The following CA10 variants were observed in gnomAD, a reference collection of about 807,000 sequenced individuals.
CA10 encodes carbonic anhydrase 10 (inactive), also known as carbonic anhydrase-related protein 10.
Under a neutral mutation model 44.2 loss-of-function variants are expected in CA10, and 14 were observed. That is an observed-to-expected ratio of 0.32 (90% CI 0.21 to 0.50). The LOEUF is 0.50. CA10 is among the 20% of genes least tolerant of loss of function. CA10 has a pLI of 0.99. For missense variants in CA10, 350 were observed against 409.7 expected (o/e 0.85, Z 1.26); for synonymous variants, 159 against 141.6 (o/e 1.12, Z -0.87).
rs2143458509 is a variant in CA10 at position 51,700,847 on chromosome 17, C to T, written c.465+46786G>A. ...AAACCAAACACTGTATGTTCTCACT[C>T]ATAAGTGGGAGCTGAACAATGAGAA... On this transcript the variant is annotated intron_variant, in intron 4 of 8. Transcript: ENST00000451037. 1.3e-5 allele frequency among the ~76,000 whole-genome samples: 2 copies of T among 152,196 alleles called. 1 individual carries two copies. The highest frequency in any genetic ancestry group is 4.2e-4 in the South Asian group (2 of 4,816).
intron 1 of CA10, among the ~76,000 whole-genome samples, chr17:52,120,869 C>T (rs2143315717): frequency 6.6e-6 from 1 of 152,306 alleles, no homozygotes; most frequent in South Asian, 2.1e-4. Flanking sequence ...GATAAATCTA[C>T]CTTTCTCACC....
At chr17:51,796,191 T>C (rs933103945) in intron 3 of CA10, among the ~76,000 whole-genome samples, 8 of 152,134 alleles carry the variant, frequency 5.3e-5, no homozygotes, top group Non-Finnish European at 1.2e-4. Flanking sequence ...ATGGAAAGCA[T>C]TGTACAGAGT....
At chr17:51,708,194 G>C (rs1915819448) in intron 4 of CA10, among the ~76,000 whole-genome samples, 1 of 152,204 alleles carries the variant, frequency 6.6e-6, no homozygotes, top group Non-Finnish European at 1.5e-5. Flanking sequence ...AGAGCGAATA[G>C]AGAGGGAAAG....
At chr17:51,767,154 T>C (rs919751903) in intron 3 of CA10, among the ~76,000 whole-genome samples, 2 of 152,164 alleles carry the variant, frequency 1.3e-5, no homozygotes, top group African/African-American at 2.4e-5. Flanking sequence ...ATGAGGAGGA[T>C]TTAATTATGC....
rs962702218 is a variant in CA10, at chr17:51,747,812, C to A, written c.286G>T (p.Gly96Trp). ...RINTGGRKVS[G>W]TMYNTGRHVS... is the part of the protein sequence containing the mutation. ...TGTCTTCCAGTGTTGTACATGGTCC[C>A]ACTGACCTGCAAGGCAATTAGCAAC... The change falls in exon 4 of 9, where the codon GGG (glycine) becomes TGG (tryptophan). Residue 96 changes from glycine to tryptophan, a missense_variant. By Grantham distance (184) the Gly-to-Trp change is radical. Transcript: ENST00000451037. The A allele has an allele frequency of 3.1e-6, 5 of 1,608,714 alleles. No homozygotes were observed. Among genetic ancestry groups the A allele is most frequent in the Non-Finnish European group, 4.2e-6 (5 of 1,177,518 alleles).
intron 4 of CA10, among the ~76,000 whole-genome samples, chr17:51,731,875 A>G (rs1054283730): frequency 6.6e-6 from 1 of 151,952 alleles, no homozygotes; most frequent in Non-Finnish European, 1.5e-5. Context: ...GGGTTTCAAC[A>G]TGTTGGCCAG....
chr17:52,064,228 G>T (rs1987471680), intron 2 of CA10, among the ~76,000 whole-genome samples: 1 of 152,150 alleles, frequency 6.6e-6, no homozygotes, highest in South Asian at 2.1e-4. Flanking sequence ...ACATGAGCTT[G>T]ACTTCAGATG....
At chr17:51,940,692 A>C (rs80246663) in intron 2 of CA10, among the ~76,000 whole-genome samples, 2 of 151,816 alleles carry the variant, frequency 1.3e-5, no homozygotes, top group African/African-American at 2.4e-5. Context: ...AAAAAAAAAA[A>C]ACACCCTGGC....
intron 3 of CA10, among the ~76,000 whole-genome samples, chr17:51,852,795 C>T (rs988487513): frequency 6.6e-6 from 1 of 152,124 alleles, no homozygotes; most frequent in African/African-American, 2.4e-5. Context: ...ACATTTGGCA[C>T]CTGAGTCTCT....
intron 7 of CA10, among the ~76,000 whole-genome samples, chr17:51,635,231 G>A (rs1471622268): frequency 6.6e-6 from 1 of 152,190 alleles, no homozygotes; most frequent in Non-Finnish European, 1.5e-5. Flanking sequence ...TGGAGGTAGA[G>A]GCTGGGTGTG....
chr17:52,007,117 A>G (rs886668686), intron 2 of CA10, among the ~76,000 whole-genome samples: 1 of 151,718 alleles, frequency 6.6e-6, no homozygotes, highest in Admixed American at 6.6e-5. Context: ...CTGATGTGCA[A>G]TAAACCTTTT....
intron 3 of CA10, among the ~76,000 whole-genome samples, chr17:51,881,537 G>C (rs77692797): frequency 0.029 from 4,428 of 151,674 alleles, 94 homozygotes; most frequent in Middle Eastern, 0.061. Flanking sequence ...ACATAAGAAT[G>C]GTTAATATTC....
At chr17:51,656,561 A>G (rs1913801080) in intron 4 of CA10, among the ~76,000 whole-genome samples, 1 of 152,160 alleles carries the variant, frequency 6.6e-6, no homozygotes, top group Admixed American at 6.5e-5. Flanking sequence ...TTGCTTTACA[A>G]AACTGGTGAA....
rs1030074396 is a variant in CA10 at position 51,946,740 on chromosome 17, A to G, written c.137-15608T>C. Among the ~76,000 whole-genome samples, 35 of 152,320 alleles carry G rather than the reference A, an allele frequency of 2.3e-4. 1 individual carries two copies. Among genetic ancestry groups the G allele is most frequent in the African/African-American group, 8.4e-4 (35 of 41,586 alleles). On this transcript the variant is annotated intron_variant, in intron 2 of 8. Coordinates refer to ENST00000451037, the MANE Select transcript of CA10 (RefSeq NM_020178.5). ...TCTTCTTCCTCTAAAATTCTGTTTT[A>G]TCCAATGTCTCTGCCATTTGTAACA...
chr17:51,973,117 A>T (rs1984340129), intron 2 of CA10, among the ~76,000 whole-genome samples: 2 of 152,218 alleles, frequency 1.3e-5, no homozygotes, highest in Admixed American at 1.3e-4. Context: ...TGAATACCAG[A>T]TCAAACTTCC....
intron 3 of CA10, among the ~76,000 whole-genome samples, chr17:51,780,087 A>G (rs1020057721): frequency 6.6e-6 from 1 of 152,258 alleles, no homozygotes; most frequent in Non-Finnish European, 1.5e-5. Flanking sequence ...AATAGATTCT[A>G]GAGTGTAATC....
chr17:51,967,853 A>T (rs1253221460), intron 2 of CA10, among the ~76,000 whole-genome samples: 1 of 151,802 alleles, frequency 6.6e-6, no homozygotes, highest in Non-Finnish European at 1.5e-5. Context: ...ATAAAAAAAA[A>T]GAAAATAAGG....
rs561238279 is a variant in CA10 at position 52,154,696 on chromosome 17, G to A, written c.61+3030C>T. ...CAGAAAAGTGAGATCTGAGTTTAAC[G>A]GAAAGCCAGAGGAACTCCCAAATCA... On this transcript the variant is annotated intron_variant, in intron 1 of 8. Transcript: ENST00000451037. Among the ~76,000 whole-genome samples the A allele has an allele frequency of 7.9e-5, 12 of 152,082 alleles. No homozygotes were observed. The South Asian group carries it at 1.2e-3, about 16-fold the overall frequency.
At chr17:51,918,895 A>G (rs1334770476) in intron 3 of CA10, among the ~76,000 whole-genome samples, 1 of 152,230 alleles carries the variant, frequency 6.6e-6, no homozygotes, top group Non-Finnish European at 1.5e-5. Flanking sequence ...GGATTATTTT[A>G]GTTATTCTTA....
Sources: gnomAD v4.1 joint callset for allele counts (sites outside exome capture counted in the v4.1 genomes callset) on GRCh38, gnomAD v4.1.1 for gene constraint, MANE v1.5 for transcripts, NCBI Gene and HGNC (gene_info 2026-07-23, HGNC 2026-07-21) for gene names.